FAT4: variants seen among roughly 807,000 people sequenced by gnomAD.
FAT4 encodes the protein protocadherin Fat 4.
In FAT4, 84 loss-of-function variants were observed where a neutral mutation model predicts 303.9. That is an observed-to-expected ratio of 0.28 (90% CI 0.23 to 0.33). The LOEUF (loss-of-function observed/expected upper bound fraction) is 0.33. FAT4 is among the 10% of genes least tolerant of loss of function. The pLI is 1.00. For synonymous variants in FAT4, 2,307 were observed against 2,298.8 expected, an observed-to-expected ratio of 1.00 and a Z score of -0.10; for missense variants, 6,005 against 6,146.8, an observed-to-expected ratio of 0.98 and a Z score of 0.77.
At chr4:125,414,038 A>T (rs1317744155) in intron 5 of FAT4, among the ~76,000 whole-genome samples, 1 of 152,006 alleles carries the variant, frequency 6.6e-6, no homozygotes, top group Non-Finnish European at 1.5e-5. Context: ...GCACATCGTT[A>T]CAGGCCAGAG....
chr4:125,355,547 T>G (rs1732392354), intron 2 of FAT4, among the ~76,000 whole-genome samples: 1 of 152,048 alleles, frequency 6.6e-6, no homozygotes, highest in Admixed American at 6.6e-5. Context: ...TTTTGTTAAC[T>G]TACGCTTTCT....
Position 125,450,588 on chromosome 4 carries a change from C to T in FAT4, c.9578C>T (p.Ser3193Phe). 1.2e-6 allele frequency: 2 copies of T among 1,614,126 alleles called. No individual in the cohort carries two copies. Among genetic ancestry groups the T allele is most frequent in the South Asian group, 1.1e-5 (1 of 91,080 alleles). Reference protein sequence around the residue: ...TVNVIDVNDNSPVFLSDDYFP... With the variant: ...TVNVIDVNDNFPVFLSDDYFP... ...AATGTGATTGATGTGAATGATAATT[C>T]TCCAGTATTCCTCTCTGATGACTAT... The change falls in exon 10 of 18, where the codon TCT becomes TTT. Residue 3193 changes from serine (S) to phenylalanine (F), a missense_variant. Transcript: ENST00000394329.
chr4:125,321,118 T>C lies in FAT4; in HGVS notation c.4707T>C (p.Asn1569=), dbSNP rs1730923087. The change falls in exon 2 of 18, where the codon AAT becomes AAC. Residue 1569 remains asparagine, a synonymous_variant. Transcript: ENST00000394329. Reference sequence around the variant, plus strand: ...GAGAAATAGAGTATGAGATCATCAATGGGGACACAGACACCTTCATTGTTG... The same window carrying C: ...GAGAAATAGAGTATGAGATCATCAACGGGGACACAGACACCTTCATTGTTG... ...ANGEIEYEII[N]GDTDTFIVDR... 1 of 1,614,166 alleles carries C rather than the reference T, an allele frequency of 6.2e-7. No homozygotes were observed. Among genetic ancestry groups the C allele is most frequent in the African/African-American group, 1.3e-5 (1 of 75,038 alleles).
chr4:125,373,950 C>T lies in FAT4; in HGVS notation c.5176-24834C>T, dbSNP rs571824717. ...AGGACTATGTATATATGATTTCAGA[C>T]GATTTCCTATTTAAATAAATTAGGA... On this transcript the variant is annotated intron_variant, in intron 2 of 17. Coordinates refer to ENST00000394329, the MANE Select transcript of FAT4 (RefSeq NM_001291303.3). Among the ~76,000 whole-genome samples, 297 of 152,228 alleles carry T rather than the reference C, an allele frequency of 2.0e-3. 2 individuals are homozygous for T. The highest frequency in any genetic ancestry group is 2.5e-3 in the Non-Finnish European group (170 of 67,994).
Position 125,450,796 on chromosome 4 carries a change from C to T in FAT4, c.9786C>T (p.Thr3262=). 1 of 1,614,082 alleles carries T rather than the reference C, an allele frequency of 6.2e-7. No individual in the cohort carries two copies. Among genetic ancestry groups the T allele is most frequent in the Non-Finnish European group, 8.5e-7 (1 of 1,180,010 alleles). The part of the protein sequence containing the change: ...ITTQGFLDFE[T]KQSYHLTVKA... ...CTCAAGGCTTCTTGGATTTTGAAAC[C>T]AAGCAGAGCTACCATCTTACTGTGA... Residue 3262 remains threonine (T), a synonymous_variant, in exon 10 of 18, where the codon ACC becomes ACT. Coordinates refer to ENST00000394329, the MANE Select transcript of FAT4 (RefSeq NM_001291303.3).
chr4:125,403,953 C>CA (rs1279556348), intron 3 of FAT4, among the ~76,000 whole-genome samples: 2 of 152,056 alleles, frequency 1.3e-5, no homozygotes, highest in Non-Finnish European at 2.9e-5. Context: ...GCCAGGATTC[C>CA]AATCCCTTAA....
chr4:125,472,220 A>G (rs987373338), intron 12 of FAT4, among the ~76,000 whole-genome samples: 3 of 152,082 alleles, frequency 2.0e-5, no homozygotes, highest in Non-Finnish European at 2.9e-5. Flanking sequence ...AAATGAAAAA[A>G]CTTGGTATGT....
intron 5 of FAT4, among the ~76,000 whole-genome samples, chr4:125,412,866 G>T (rs1734898975): frequency 1.3e-5 from 2 of 151,708 alleles, no homozygotes; most frequent in Admixed American, 6.6e-5. Flanking sequence ...TCATTCATGT[G>T]TTTTCATAAC....
At chr4:125,370,467 T>C (rs1733063255) in intron 2 of FAT4, among the ~76,000 whole-genome samples, 1 of 152,146 alleles carries the variant, frequency 6.6e-6, no homozygotes, top group Non-Finnish European at 1.5e-5. Context: ...CATGAGATGC[T>C]GTTGAAGAAT....
intron 2 of FAT4, among the ~76,000 whole-genome samples, chr4:125,387,436 G>A (rs1289490936): frequency 6.6e-6 from 1 of 152,208 alleles, no homozygotes; most frequent in Non-Finnish European, 1.5e-5. Context: ...TATTGTACTT[G>A]TGCCATTATT....
chr4:125,353,135 A>G (rs1230443070), intron 2 of FAT4, among the ~76,000 whole-genome samples: 1 of 151,778 alleles, frequency 6.6e-6, no homozygotes, highest in South Asian at 2.1e-4. Flanking sequence ...TATGTGACCA[A>G]AATCGGATCT....
chr4:125,333,486 G>A (rs1390366642), intron 2 of FAT4, among the ~76,000 whole-genome samples: 6 of 152,110 alleles, frequency 3.9e-5, no homozygotes, highest in African/African-American at 9.7e-5. Context: ...TGGATCAAAA[G>A]AGATTCCCCA....
chr4:125,330,119 G>C (rs1382082452), intron 2 of FAT4, among the ~76,000 whole-genome samples: 7 of 152,118 alleles, frequency 4.6e-5, no homozygotes, highest in Non-Finnish European at 1.0e-4. Flanking sequence ...GAACTTGCTA[G>C]GCACACATTA....
intron 2 of FAT4, among the ~76,000 whole-genome samples, chr4:125,323,586 A>G (rs1731040305): frequency 6.6e-6 from 1 of 152,172 alleles, no homozygotes; most frequent in South Asian, 2.1e-4. Flanking sequence ...TTGAGTTCTC[A>G]AGATCCAACC....
At chr4:125,326,210 G>A (rs944588731) in intron 2 of FAT4, among the ~76,000 whole-genome samples, 1 of 151,946 alleles carries the variant, frequency 6.6e-6, no homozygotes. Flanking sequence ...AAACTATTAA[G>A]ATTTCCAAGA....
Position 125,451,365 on chromosome 4 carries a change from A to G in FAT4, c.10355A>G (p.Asn3452Ser). Residue 3452 changes from asparagine to serine, a missense_variant, in exon 10 of 18, where the codon AAT (asparagine) becomes AGT (serine). Coordinates refer to ENST00000394329, the MANE Select transcript of FAT4 (RefSeq NM_001291303.3). Reference sequence around the variant, plus strand: ...TACTTCATCGGATCAGGGAATGAAAATGGTGCCTTTTCTATTAATCCGCAG... The same window carrying G: ...TACTTCATCGGATCAGGGAATGAAAGTGGTGCCTTTTCTATTAATCCGCAG... Reference protein sequence around the residue: ...FSYFIGSGNENGAFSINPQTG... With the variant: ...FSYFIGSGNESGAFSINPQTG... 1.9e-6 allele frequency: 3 copies of G among 1,614,096 alleles called. No homozygotes were observed. The highest frequency in any genetic ancestry group is 1.7e-6 in the Non-Finnish European group (2 of 1,180,014).
In FAT4 at chr4:125,449,731, A is replaced by G. The variant is rs776134225; in HGVS notation, c.8721A>G (p.Gly2907=). ...CAGATCCTGATGAGGGATCAAATGG[A>G]CAAGTGTTTTATTTCATAAAATCCC... is the stretch of plus-strand genomic sequence containing the variant. ...FATDPDEGSN[G]QVFYFIKSQS... The change falls in exon 10 of 18, where the codon GGA becomes GGG. Residue 2907 remains glycine (G), a synonymous_variant. Coordinates refer to ENST00000394329, the MANE Select transcript of FAT4 (RefSeq NM_001291303.3). 1 of 1,613,886 alleles carries G rather than the reference A, an allele frequency of 6.2e-7. No homozygotes were observed. The highest frequency in any genetic ancestry group is 1.1e-5 in the South Asian group (1 of 91,082).
Position 125,450,648 on chromosome 4 carries a change from C to T in FAT4, c.9638C>T (p.Thr3213Ile). 6.2e-7 allele frequency: 1 copy of T among 1,614,060 alleles called. No individual in the cohort carries two copies. The highest frequency in any genetic ancestry group is 1.1e-5 in the South Asian group (1 of 91,076). The stretch of plus-strand genomic sequence containing the variant: ...GTTTTGGAAAATGCCCCAAGTGGAA[C>T]AACAGTTATCCACCTAAATGCAACA... ...PTVLENAPSG[T>I]TVIHLNATDA... The change falls in exon 10 of 18, where the codon ACA (threonine) becomes ATA (isoleucine). Residue 3213 changes from threonine (T) to isoleucine (I), a missense_variant. Coordinates refer to ENST00000394329, the MANE Select transcript of FAT4 (RefSeq NM_001291303.3).
chr4:125,455,792 C>T (rs1726257507), intron 10 of FAT4, among the ~76,000 whole-genome samples: 1 of 152,136 alleles, frequency 6.6e-6, no homozygotes, highest in Admixed American at 6.5e-5. Context: ...ATACTTAATC[C>T]TCACAGAAAG....
Sources: allele counts gnomAD v4.1 joint callset (sites outside exome capture counted in the v4.1 genomes callset), GRCh38; gene constraint gnomAD v4.1.1; transcripts MANE v1.5; gene names NCBI Gene and HGNC (gene_info 2026-07-23, HGNC 2026-07-21).